The following MTUS2 variants were observed in gnomAD, a reference collection of about 807,000 sequenced individuals.
MTUS2 encodes microtubule-associated tumor suppressor candidate 2.
MTUS2 carries 40 observed loss-of-function variants against 114.1 expected under a neutral mutation model. The observed-to-expected ratio is 0.35, with a 90% CI of 0.27 to 0.46. The LOEUF (loss-of-function observed/expected upper bound fraction) is 0.46. MTUS2 is among the 20% of genes least tolerant of loss of function. The probability of loss-of-function intolerance (pLI) is 1.00; values close to 1 mark genes in which losing one functional copy is unlikely to be tolerated. For missense variants in MTUS2, 1,679 were observed against 1,705.4 expected, an observed-to-expected ratio of 0.98 and a Z score of 0.27; for synonymous variants, 688 against 672.0, an observed-to-expected ratio of 1.02 and a Z score of -0.37.
At chr13:28,846,765 A>G (rs1412559601) in intron 2 of MTUS2, among the ~76,000 whole-genome samples, 1 of 152,224 alleles carries the variant, frequency 6.6e-6, no homozygotes, top group East Asian at 1.9e-4. Context: ...CTTCCTTCTC[A>G]AAGGCAAACA....
intron 5 of MTUS2, among the ~76,000 whole-genome samples, chr13:29,129,027 C>A (rs186234599): frequency 6.6e-6 from 1 of 152,132 alleles, no homozygotes; most frequent in African/African-American, 2.4e-5. Context: ...CCCTAAATGT[C>A]GGGCCTTGTA....
chr13:29,418,561 AT>A (rs1453385751), intron 8 of MTUS2, among the ~76,000 whole-genome samples: 2 of 152,146 alleles, frequency 1.3e-5, no homozygotes, highest in East Asian at 3.9e-4. Flanking sequence ...GATTATTCAG[AT>A]TGCTGTTTGG....
chr13:29,307,376 A>G (rs1371271731), intron 6 of MTUS2: 9 of 839,764 alleles, frequency 1.1e-5, no homozygotes, highest in Non-Finnish European at 1.6e-5. Flanking sequence ...TGTGATAGCC[A>G]TGGGGCTCTC....
At chr13:29,128,171 C>T (rs1244347959) in intron 5 of MTUS2, among the ~76,000 whole-genome samples, 1 of 152,198 alleles carries the variant, frequency 6.6e-6, no homozygotes, top group African/African-American at 2.4e-5. Context: ...TTTGTAGAGG[C>T]ATGACACATT....
chr13:29,329,193 A>G (rs1900657346), intron 7 of MTUS2, among the ~76,000 whole-genome samples: 1 of 152,156 alleles, frequency 6.6e-6, no homozygotes, highest in Non-Finnish European at 1.5e-5. Context: ...CAGGTTTGTT[A>G]CATAGGTGTA....
At chr13:29,317,674 G>A (rs9506136) in intron 6 of MTUS2, among the ~76,000 whole-genome samples, 26,570 of 31,234 alleles carry the variant, frequency 0.85, 11,314 homozygotes, top group South Asian at 0.93. Context: ...TCCTGACCTC[G>A]TGATCCACCC....
intron 2 of MTUS2, among the ~76,000 whole-genome samples, chr13:28,909,937 G>A (rs1880301607): frequency 6.6e-6 from 1 of 152,022 alleles, no homozygotes; most frequent in Non-Finnish European, 1.5e-5. Flanking sequence ...ATATTTATGG[G>A]CTACATTAGA....
At chr13:29,294,560 G>A (rs76371762) in intron 6 of MTUS2, among the ~76,000 whole-genome samples, 2 of 152,064 alleles carry the variant, frequency 1.3e-5, no homozygotes, top group Non-Finnish European at 2.9e-5. Context: ...TTAGAAGTTG[G>A]TATATTTATG....
intron 3 of MTUS2, among the ~76,000 whole-genome samples, chr13:29,031,842 C>T (rs547093460): frequency 1.7e-4 from 26 of 152,114 alleles, no homozygotes; most frequent in African/African-American, 6.3e-4. Flanking sequence ...AAAGCCTTCA[C>T]CTGTACCCTC....
At chr13:28,866,231 C>CTG (rs1190574757) in intron 2 of MTUS2, among the ~76,000 whole-genome samples, 4 of 152,192 alleles carry the variant, frequency 2.6e-5, no homozygotes, top group Non-Finnish European at 5.9e-5. Context: ...GTGCTGATTA[C>CTG]TGCACTATCT....
In MTUS2 at chr13:28,868,234, A is replaced by T. The variant is rs184218377; in HGVS notation, c.-243+28384A>T. ...ATCGTGATATAGTAATTCATAATTTATTACCTTATAATAGTGTTATTCTTC... is the reference window on the plus strand; with the variant it reads ...ATCGTGATATAGTAATTCATAATTTTTTACCTTATAATAGTGTTATTCTTC... On this transcript the variant is annotated intron_variant, in intron 2 of 15. Coordinates refer to ENST00000612955, the MANE Select transcript of MTUS2 (RefSeq NM_001033602.4). Among the ~76,000 whole-genome samples the T allele has an allele frequency of 1.5e-3, 230 of 152,318 alleles. 1 individual carries two copies. Among genetic ancestry groups the T allele is most frequent in the African/African-American group, 5.1e-3 (213 of 41,568 alleles).
intron 5 of MTUS2, among the ~76,000 whole-genome samples, chr13:29,227,715 G>A (rs1283000580): frequency 6.6e-6 from 1 of 152,160 alleles, no homozygotes; most frequent in Non-Finnish European, 1.5e-5. Flanking sequence ...AAAACTGTTA[G>A]GCTTTGCTGT....
At chr13:29,248,424 A>G (rs1195691744) in intron 5 of MTUS2, among the ~76,000 whole-genome samples, 1 of 152,354 alleles carries the variant, frequency 6.6e-6, no homozygotes, top group East Asian at 1.9e-4. Flanking sequence ...TATCCAAAGT[A>G]TACGATACCC....
At chr13:28,877,121 C>T (rs1310314159) in intron 2 of MTUS2, among the ~76,000 whole-genome samples, 2 of 146,830 alleles carry the variant, frequency 1.4e-5, no homozygotes, top group Non-Finnish European at 3.0e-5. Flanking sequence ...AACCCCGTCT[C>T]TACTAAAAAT....
chr13:29,406,175 G>A (rs920889206), intron 8 of MTUS2, among the ~76,000 whole-genome samples: 24 of 152,166 alleles, frequency 1.6e-4, no homozygotes, highest in African/African-American at 5.6e-4. Flanking sequence ...CTTACAAGAA[G>A]AAACCTACCC....
intron 10 of MTUS2, chr13:29,485,163 C>T (rs939987583): frequency 1.3e-5 from 2 of 152,694 alleles, no homozygotes; most frequent in Admixed American, 6.5e-5. Flanking sequence ...GCACTTTTAT[C>T]TTTGATTTGG....
intron 8 of MTUS2, among the ~76,000 whole-genome samples, chr13:29,382,658 C>T (rs1005125204): frequency 2.1e-4 from 32 of 152,302 alleles, no homozygotes; most frequent in African/African-American, 7.2e-4. Context: ...CTGGCCAGCA[C>T]ATCTTGTCAA....
At chr13:29,281,582 C>T in intron 5 of MTUS2, 122 bp from the exon 6 acceptor site, 1 of 1,090,372 alleles carries the variant, frequency 9.2e-7, no homozygotes, top group South Asian at 1.5e-5. Flanking sequence ...AGGTCACTCA[C>T]TAAGAATCAG....
At chr13:29,233,937 A>G (rs1023387336) in intron 5 of MTUS2, among the ~76,000 whole-genome samples, 1 of 152,204 alleles carries the variant, frequency 6.6e-6, no homozygotes, top group African/African-American at 2.4e-5. Context: ...GTAACAGACA[A>G]TTATTTTTGT....
Sources: allele counts gnomAD v4.1 joint callset (sites outside exome capture counted in the v4.1 genomes callset), GRCh38; gene constraint gnomAD v4.1.1; transcripts MANE v1.5; gene names NCBI Gene and HGNC (gene_info 2026-07-23, HGNC 2026-07-21).